DTNBP1: variants seen among roughly 807,000 people sequenced by gnomAD.
The protein encoded by DTNBP1 is dysbindin.
A neutral mutation model predicts 42.8 loss-of-function variants in DTNBP1; 35 were observed. The observed-to-expected ratio is 0.82, with a 90% CI of 0.63 to 1.09. The LOEUF (loss-of-function observed/expected upper bound fraction) is 1.09. DTNBP1 is among the 50% of genes least tolerant of loss of function. The pLI is 0.00. For synonymous variants in DTNBP1, 171 were observed against 162.2 expected, an observed-to-expected ratio of 1.05 and a Z score of -0.41; for missense variants, 457 against 424.2, an observed-to-expected ratio of 1.08 and a Z score of -0.68.
intron 6 of DTNBP1, among the ~76,000 whole-genome samples, chr6:15,612,322 T>C (rs775511448): frequency 1.3e-5 from 2 of 152,184 alleles, no homozygotes; most frequent in Non-Finnish European, 2.9e-5. Flanking sequence ...GACTACATAC[T>C]GTATAAACAT....
intron 8 of DTNBP1, among the ~76,000 whole-genome samples, chr6:15,529,143 G>A (rs980861729): frequency 4.6e-5 from 7 of 152,194 alleles, no homozygotes; most frequent in Non-Finnish European, 7.4e-5. Flanking sequence ...AAATTAGCCC[G>A]GCATGGTGGT....
chr6:15,644,015 C>A (rs557125013), intron 3 of DTNBP1, among the ~76,000 whole-genome samples: 3 of 151,804 alleles, frequency 2.0e-5, no homozygotes, highest in Non-Finnish European at 2.9e-5. Context: ...AAAACAAGAC[C>A]CAACCTCTGC....
At chr6:15,662,234 G>C (rs1023550983) in intron 1 of DTNBP1, among the ~76,000 whole-genome samples, 45 of 152,384 alleles carry the variant, frequency 3.0e-4, no homozygotes, top group African/African-American at 1.1e-3. Context: ...CTGAGCTCAC[G>C]GCAAAGGTAG....
chr6:15,548,357 C>T (rs1774001303), intron 7 of DTNBP1: 1 of 152,002 alleles, frequency 6.6e-6, no homozygotes, highest in South Asian at 2.1e-4. Context: ...CCGTTCAACA[C>T]AATCTATGTG....
intron 1 of DTNBP1, among the ~76,000 whole-genome samples, chr6:15,653,406 T>C (rs1289227461): frequency 6.6e-6 from 1 of 152,196 alleles, no homozygotes; most frequent in Non-Finnish European, 1.5e-5. Flanking sequence ...TTCTCTACCA[T>C]TGGTCACCTG....
chr6:15,651,938 C>T lies in DTNBP1; in HGVS notation c.110+149G>A, dbSNP rs1041688360. On this transcript the variant is annotated intron_variant, in intron 2 of 9. Transcript: ENST00000344537. The stretch of plus-strand genomic sequence containing the variant: ...ATTTTATTAGAAAATTTTCCTGTTA[C>T]AAAATTTAGAAAGAATCGATAAATT... 4.6e-5 allele frequency: 32 copies of T among 697,974 alleles called. No homozygotes were observed. In the African/African-American group the frequency reaches 5.3e-4, roughly 11 times the overall value. The allele number at this position is 697,974 out of a possible 1,614,324, so 43.2% of individuals were successfully genotyped here. A position where few individuals can be genotyped will look rare whatever the true frequency, so the allele number is the denominator to read the frequency against.
intron 3 of DTNBP1, among the ~76,000 whole-genome samples, chr6:15,644,636 A>G (rs992580181): frequency 6.6e-6 from 1 of 152,220 alleles, no homozygotes; most frequent in Non-Finnish European, 1.5e-5. Context: ...AACCCTAAGA[A>G]TCACACAAGT....
rs185009228 is a variant in DTNBP1, at chr6:15,523,109, G to C, written c.922C>G (p.Arg308Gly). 4 of 1,614,232 alleles carry C rather than the reference G, an allele frequency of 2.5e-6. No homozygotes were observed. Among genetic ancestry groups the C allele is most frequent in the Non-Finnish European group, 3.4e-6 (4 of 1,180,040 alleles). Residue 308 changes from arginine (R) to glycine (G), a missense_variant, in exon 10 of 10, where the codon CGG (arginine) becomes GGG (glycine). Arg to Gly is a moderately radical substitution (Grantham distance 125). Transcript: ENST00000344537. ...SSSTCTDSAT[R>G]DISEGGESPV... ...GACTCCCCACCCTCACTGATGTCCC[G>C]GGTGGCCGAGTCGGTGCAGGTGGAG...
Position 15,564,163 on chromosome 6 carries a change from C to A in DTNBP1, c.511+28896G>T, listed in dbSNP as rs373807510. ...CTCATTTAGCGGCTCCACAAGTAAACCTTTTTCTGCTGTAACTCGGTGGCT... is the reference window on the plus strand; with the variant it reads ...CTCATTTAGCGGCTCCACAAGTAAAACTTTTTCTGCTGTAACTCGGTGGCT... On this transcript the variant is annotated intron_variant, in intron 7 of 9. Coordinates refer to ENST00000344537, the MANE Select transcript of DTNBP1 (RefSeq NM_032122.5). Among the ~76,000 whole-genome samples the A allele has an allele frequency of 1.5e-4, 23 of 151,984 alleles. No individual in the cohort carries two copies. The South Asian group carries it at 4.8e-3, about 32-fold the overall frequency.
intron 7 of DTNBP1, among the ~76,000 whole-genome samples, chr6:15,553,569 C>T (rs866679916): frequency 8.2e-6 from 1 of 121,866 alleles, no homozygotes; most frequent in Non-Finnish European, 1.6e-5. Context: ...ATGTGCAAAG[C>T]AGTTCAATGC....
chr6:15,633,785 T>C (rs1289596115), intron 4 of DTNBP1, among the ~76,000 whole-genome samples: 1 of 152,002 alleles, frequency 6.6e-6, no homozygotes, highest in Non-Finnish European at 1.5e-5. Context: ...AGTCGGCAGC[T>C]ATAAACATTA....
intron 5 of DTNBP1, among the ~76,000 whole-genome samples, chr6:15,625,381 A>AT (rs1171447959): frequency 6.6e-6 from 1 of 152,166 alleles, no homozygotes; most frequent in Non-Finnish European, 1.5e-5. Flanking sequence ...CCAGAACAGT[A>AT]TATCAGATAA....
intron 6 of DTNBP1, among the ~76,000 whole-genome samples, chr6:15,608,110 C>T (rs2113677638): frequency 6.6e-6 from 1 of 152,128 alleles, no homozygotes; most frequent in Admixed American, 6.5e-5. Context: ...TATGCTTTTT[C>T]TCCCCCATCT....
chr6:15,632,101 G>A (rs1349149330), intron 4 of DTNBP1, among the ~76,000 whole-genome samples: 1 of 152,076 alleles, frequency 6.6e-6, no homozygotes, highest in East Asian at 1.9e-4. Flanking sequence ...TATGCCTGCT[G>A]ATATCTTTTA....
chr6:15,662,622 G>A lies in DTNBP1; in HGVS notation c.56+192C>T, dbSNP rs1397115039. On this transcript the variant is annotated intron_variant, in intron 1 of 9. Transcript: ENST00000344537. ...GTGCGCGTCACAGGCGGCCCGCAGG[G>A]ACCTAAGTTACTTTGCGCCGCCCGA... Among the ~76,000 whole-genome samples, 8 of 152,166 alleles carry A rather than the reference G, an allele frequency of 5.3e-5. No individual in the cohort carries two copies. The East Asian group carries it at 1.2e-3, about 22-fold the overall frequency.
At position 15,601,293 on chromosome 6, in the gene DTNBP1, T is replaced by G. The variant is rs534271475; in HGVS notation, c.489-8212A>C. 6.6e-5 allele frequency among the ~76,000 whole-genome samples: 10 copies of G among 152,338 alleles called. No homozygotes were observed. In the East Asian group the frequency reaches 1.7e-3, roughly 26 times the overall value. ...TGCAATCTTTCTTTTTCGACAATATTTTAACTGTGGTATGCCATGTACCTT... is the reference window on the plus strand; with the variant it reads ...TGCAATCTTTCTTTTTCGACAATATGTTAACTGTGGTATGCCATGTACCTT... On this transcript the variant is annotated intron_variant, in intron 6 of 9. Transcript: ENST00000344537.
intron 7 of DTNBP1, among the ~76,000 whole-genome samples, chr6:15,542,871 T>C (rs1443010173): frequency 6.6e-6 from 1 of 152,008 alleles, no homozygotes; most frequent in Non-Finnish European, 1.5e-5. Context: ...GGCTCATTTT[T>C]GTATTTTTAG....
chr6:15,523,735 G>T, intron 9 of DTNBP1: 1 of 1,287,176 alleles, frequency 7.8e-7, no homozygotes, highest in Non-Finnish European at 1.0e-6. Context: ...TCTGGGTGAG[G>T]GTTCACGCTG....
chr6:15,634,262 TG>T (rs1160412892), intron 4 of DTNBP1, among the ~76,000 whole-genome samples: 2 of 152,216 alleles, frequency 1.3e-5, no homozygotes, highest in African/African-American at 4.8e-5. Flanking sequence ...CATTTTCCTC[TG>T]GTTTCTTGTC....
Sources: gnomAD v4.1 joint callset for allele counts (sites outside exome capture counted in the v4.1 genomes callset) on GRCh38, gnomAD v4.1.1 for gene constraint, MANE v1.5 for transcripts, NCBI Gene and HGNC (gene_info 2026-07-23, HGNC 2026-07-21) for gene names.